GRID2: variants seen among roughly 807,000 people sequenced by gnomAD.
GRID2 encodes the protein glutamate receptor ionotropic, delta-2.
A neutral mutation model predicts 114.8 loss-of-function variants in GRID2; 33 were observed. The ratio of observed to expected loss-of-function variants is 0.29; its 90% CI spans 0.22 to 0.38. The LOEUF (loss-of-function observed/expected upper bound fraction) is 0.38. GRID2 is among the 10% of genes least tolerant of loss of function. GRID2 has a pLI of 1.00. For synonymous variants in GRID2, 505 were observed against 449.9 expected (o/e 1.12, Z -1.55); for missense variants, 1,184 against 1,257.7 (o/e 0.94, Z 0.89).
chr4:93,441,865 A>G (rs1387214018), intron 10 of GRID2, among the ~76,000 whole-genome samples: 2 of 151,400 alleles, frequency 1.3e-5, no homozygotes, highest in Non-Finnish European at 3.0e-5. Flanking sequence ...ACTAAGAACA[A>G]AAAAAAATCC....
At chr4:92,459,225 C>A (rs555867139) in intron 1 of GRID2, among the ~76,000 whole-genome samples, 1 of 151,922 alleles carries the variant, frequency 6.6e-6, no homozygotes, top group African/African-American at 2.4e-5. Context: ...AAAATGGAAA[C>A]GTGTTTTAAA....
chr4:92,474,014 GA>G, intron 1 of GRID2, among the ~76,000 whole-genome samples: 1 of 145,934 alleles, frequency 6.9e-6, no homozygotes, highest in Non-Finnish European at 1.5e-5. Context: ...GTACGTATGC[GA>G]TGACAACAAC....
chr4:93,424,871 C>T (rs1400693995), intron 10 of GRID2, among the ~76,000 whole-genome samples: 1 of 151,964 alleles, frequency 6.6e-6, no homozygotes, highest in African/African-American at 2.4e-5. Context: ...ATTTTTACTC[C>T]CTGACCTTCA....
At chr4:92,984,896 T>C (rs115844065) in intron 2 of GRID2, among the ~76,000 whole-genome samples, 2,455 of 152,172 alleles carry the variant, frequency 0.016, 68 homozygotes, top group African/African-American at 0.056. Context: ...TAAAATATCA[T>C]AGAAATGATA....
intron 8 of GRID2, among the ~76,000 whole-genome samples, chr4:93,383,437 A>G (rs1277531639): frequency 6.6e-6 from 1 of 152,176 alleles, no homozygotes; most frequent in African/African-American, 2.4e-5. Flanking sequence ...TAAATTGATC[A>G]AAAGTAACCA....
intron 1 of GRID2, among the ~76,000 whole-genome samples, chr4:92,500,603 C>T (rs1409027889): frequency 6.6e-6 from 1 of 152,084 alleles, no homozygotes; most frequent in Admixed American, 6.6e-5. Flanking sequence ...TTTTGCCTCA[C>T]CATACACCAG....
intron 7 of GRID2, among the ~76,000 whole-genome samples, chr4:93,231,058 C>T (rs1214406493): frequency 2.0e-5 from 3 of 151,970 alleles, no homozygotes; most frequent in African/African-American, 7.2e-5. Context: ...TTTCCAGAGA[C>T]ACCCACCACA....
intron 10 of GRID2, among the ~76,000 whole-genome samples, chr4:93,427,182 T>C (rs574172661): frequency 2.0e-5 from 3 of 152,112 alleles, no homozygotes; most frequent in Admixed American, 2.0e-4. Flanking sequence ...AATTACATAA[T>C]GATACTTTAA....
intron 2 of GRID2, among the ~76,000 whole-genome samples, chr4:92,866,149 G>A (rs1744845845): frequency 6.6e-6 from 1 of 152,168 alleles, no homozygotes; most frequent in African/African-American, 2.4e-5. Flanking sequence ...ATTTGGGATA[G>A]TGAGAGGAAT....
chr4:93,050,299 A>ATTTTTTCCC (rs1204270066), intron 2 of GRID2, among the ~76,000 whole-genome samples: 2 of 152,060 alleles, frequency 1.3e-5, no homozygotes, highest in African/African-American at 4.8e-5. Context: ...TTTATTTTTA[A>ATTTTTTCCC]TTAAAGCTGC....
intron 2 of GRID2, among the ~76,000 whole-genome samples, chr4:93,068,374 G>A (rs959278672): frequency 1.3e-5 from 2 of 152,016 alleles, no homozygotes; most frequent in African/African-American, 4.8e-5. Context: ...TTGTGGGGGT[G>A]AAAGGAGATT....
At chr4:93,078,727 TTA>T (rs1463318186) in intron 2 of GRID2, among the ~76,000 whole-genome samples, 1 of 144,604 alleles carries the variant, frequency 6.9e-6, no homozygotes, top group Non-Finnish European at 1.5e-5. Context: ...CTAAATATAA[TTA>T]TATTTATATA....
intron 8 of GRID2, among the ~76,000 whole-genome samples, chr4:93,336,054 TATAAC>T (rs1759056717): frequency 6.6e-6 from 1 of 152,194 alleles, no homozygotes. Flanking sequence ...CAAAAAATAA[TATAAC>T]ACATATCTAT....
rs745392261 is a variant in GRID2 at position 92,794,905 on chromosome 4, T to TATATAC, written c.244+204620_244+204621insTATACA. On this transcript the variant is annotated intron_variant, in intron 2 of 15. Transcript: ENST00000282020. ...ATATATATATATATATATATATATA[T>TATATAC]ACACACACACACACACACACATATC... Among the ~76,000 whole-genome samples the TATATAC allele has an allele frequency of 6.0e-3, 763 of 127,610 alleles. 2 individuals are homozygous for TATATAC. Among genetic ancestry groups the TATATAC allele is most frequent in the Middle Eastern group, 0.017 (4 of 240 alleles). The allele number at this position is 127,610 out of a possible 152,430, so 83.7% of individuals were successfully genotyped here.
chr4:92,701,947 T>C (rs2149301911), intron 2 of GRID2, among the ~76,000 whole-genome samples: 1 of 152,244 alleles, frequency 6.6e-6, no homozygotes, highest in East Asian at 1.9e-4. Flanking sequence ...AATAATTTGA[T>C]CAACAGAATA....
intron 1 of GRID2, among the ~76,000 whole-genome samples, chr4:92,525,596 G>A (rs1725003583): frequency 6.6e-6 from 1 of 152,218 alleles, no homozygotes; most frequent in Non-Finnish European, 1.5e-5. Context: ...TCTGGAAGCA[G>A]CTTTAGAAAA....
intron 2 of GRID2, among the ~76,000 whole-genome samples, chr4:92,693,178 A>C (rs1287419663): frequency 6.6e-6 from 1 of 152,062 alleles, no homozygotes; most frequent in African/African-American, 2.4e-5. Context: ...TAGACTTCAA[A>C]ATGGAAACAA....
chr4:93,268,855 CTTG>C (rs1751129490), intron 8 of GRID2, among the ~76,000 whole-genome samples: 1 of 152,026 alleles, frequency 6.6e-6, no homozygotes, highest in African/African-American at 2.4e-5. Flanking sequence ...GAAATAAATG[CTTG>C]TTGTATGATT....
intron 8 of GRID2, among the ~76,000 whole-genome samples, chr4:93,281,983 T>G (rs1316638921): frequency 6.6e-6 from 1 of 152,090 alleles, no homozygotes; most frequent in Non-Finnish European, 1.5e-5. Flanking sequence ...ATGTATACAG[T>G]TAAAGTTGAA....
Sources: gnomAD v4.1 joint callset for allele counts (sites outside exome capture counted in the v4.1 genomes callset) on GRCh38, gnomAD v4.1.1 for gene constraint, MANE v1.5 for transcripts, NCBI Gene and HGNC (gene_info 2026-07-23, HGNC 2026-07-21) for gene names.